The following SLC38A1 variants were observed in gnomAD, a reference collection of about 807,000 sequenced individuals.
The protein encoded by SLC38A1 is solute carrier family 38 member 1, also known as sodium-coupled neutral amino acid symporter 1.
Under a neutral mutation model 60.3 loss-of-function variants are expected in SLC38A1, and 18 were observed. The ratio of observed to expected loss-of-function variants is 0.30; its 90% CI spans 0.21 to 0.44. The LOEUF (loss-of-function observed/expected upper bound fraction) is 0.44. SLC38A1 is among the 20% of genes least tolerant of loss of function. The pLI is 1.00. For synonymous variants in SLC38A1, 196 were observed against 212.1 expected (o/e 0.92, Z 0.66); for missense variants, 448 against 587.2 (o/e 0.76, Z 2.45).
rs1297574331 is a variant in SLC38A1, at chr12:46,229,137, G to T, written c.314+16C>A. The T allele has an allele frequency of 2.0e-6, 3 of 1,466,232 alleles. No individual in the cohort carries two copies. Among genetic ancestry groups the T allele is most frequent in the South Asian group, 2.3e-5 (2 of 85,620 alleles). The allele number at this position is 1,466,232 out of a possible 1,614,324, so 90.8% of individuals were successfully genotyped here. A position where few individuals can be genotyped will look rare whatever the true frequency, so the allele number is the denominator to read the frequency against. On this transcript the variant is annotated intron_variant, in intron 5 of 16. Transcript: ENST00000398637. ...TTCAGTTTTAAAATGGAAAGTACCG[G>T]CACGTCAATACTCACAGAAAAAGTA...
chr12:46,195,718 A>G (rs576627436), intron 16 of SLC38A1: 27 of 190,716 alleles, frequency 1.4e-4, no homozygotes, highest in South Asian at 1.1e-3. Context: ...CTGTTGCGCT[A>G]GCAGTGAGCA....
chr12:46,193,839 G>T (rs112247400), intron 16 of SLC38A1, among the ~76,000 whole-genome samples: 346 of 152,200 alleles, frequency 2.3e-3, no homozygotes, highest in African/African-American at 8.0e-3. Flanking sequence ...TTGCAAATGA[G>T]ATGGGTCTCC....
intron 5 of SLC38A1, among the ~76,000 whole-genome samples, chr12:46,217,279 G>A (rs1940455302): frequency 6.6e-6 from 1 of 152,142 alleles, no homozygotes. Context: ...TGACTCCAAA[G>A]TCCCTACCCA....
intron 11 of SLC38A1, among the ~76,000 whole-genome samples, chr12:46,203,302 T>C (rs1939744818): frequency 6.6e-6 from 1 of 152,186 alleles, no homozygotes; most frequent in South Asian, 2.1e-4. Flanking sequence ...CAGAGGGACT[T>C]CGGATTTGGC....
rs1379504636 is a variant in SLC38A1, at chr12:46,185,581, A to G, written c.*3389T>C. Reference sequence around the variant, plus strand: ...ATTAAAAGTGCTGCGCGCTGGCCTCAATGACTGGTACATTGGAGAAGCTAT... The same window carrying G: ...ATTAAAAGTGCTGCGCGCTGGCCTCGATGACTGGTACATTGGAGAAGCTAT... On this transcript the variant is annotated 3_prime_UTR_variant, in exon 17 of 17. Coordinates refer to ENST00000398637, the MANE Select transcript of SLC38A1 (RefSeq NM_030674.4). The G allele has an allele frequency of 6.6e-6, 1 of 152,000 alleles. No individual in the cohort carries two copies. The highest frequency in any genetic ancestry group is 2.4e-5 in the African/African-American group (1 of 41,354). 9.4% of individuals were successfully genotyped at this position (152,000 alleles called of 1,614,324 possible).
chr12:46,209,270 T>C (rs909103532), intron 5 of SLC38A1, 143 bp from the exon 6 acceptor site: 2 of 531,934 alleles, frequency 3.8e-6, no homozygotes, highest in African/African-American at 2.0e-5. Flanking sequence ...TAGTCATCCC[T>C]GCTTTAAAAT....
chr12:46,203,126 C>T (rs761144404), intron 11 of SLC38A1, 37 bp from the exon 12 acceptor site: 1 of 1,544,312 alleles, frequency 6.5e-7, no homozygotes, highest in Non-Finnish European at 8.9e-7. Flanking sequence ...AGGAAAAACA[C>T]TTTTACCATA....
chr12:46,191,267 C>G (rs551715552), intron 16 of SLC38A1, among the ~76,000 whole-genome samples: 3 of 152,068 alleles, frequency 2.0e-5, no homozygotes, highest in Non-Finnish European at 4.4e-5. Flanking sequence ...AATTCTGAGG[C>G]CTCTGTTCTG....
chr12:46,222,476 T>C (rs1940697500), intron 5 of SLC38A1, among the ~76,000 whole-genome samples: 1 of 152,212 alleles, frequency 6.6e-6, no homozygotes, highest in Non-Finnish European at 1.5e-5. Context: ...AGTACTATGC[T>C]ACACAGTATT....
intron 1 of SLC38A1, among the ~76,000 whole-genome samples, chr12:46,257,625 G>C (rs1942074145): frequency 6.6e-6 from 1 of 152,080 alleles, no homozygotes; most frequent in African/African-American, 2.4e-5. Context: ...CTTACTCAAA[G>C]TTAGCTTTTG....
rs144261571 is a variant in SLC38A1 at position 46,215,600 on chromosome 12, G to A, written c.315-6473C>T. On this transcript the variant is annotated intron_variant, in intron 5 of 16. Coordinates refer to ENST00000398637, the MANE Select transcript of SLC38A1 (RefSeq NM_030674.4). ...TTTTTGTATTTTTTAGTAGAGACGG[G>A]TTTCACCATATTGGCCAGGCTGATC... 2.6e-3 allele frequency among the ~76,000 whole-genome samples: 388 copies of A among 152,148 alleles called. 1 individual carries two copies. The highest frequency in any genetic ancestry group is 8.9e-3 in the African/African-American group (370 of 41,500).
At chr12:46,243,941 A>C (rs1592137943) in intron 1 of SLC38A1, among the ~76,000 whole-genome samples, 2 of 152,214 alleles carry the variant, frequency 1.3e-5, no homozygotes, top group Non-Finnish European at 1.5e-5. Context: ...TTTATACTGC[A>C]TGGCGTTATA....
chr12:46,192,359 A>T lies in SLC38A1; in HGVS notation c.1363-3288T>A, dbSNP rs140143316. Among the ~76,000 whole-genome samples, 963 of 152,288 alleles carry T rather than the reference A, an allele frequency of 6.3e-3. 6 individuals carry two copies. The highest frequency in any genetic ancestry group is 0.022 in the African/African-American group (905 of 41,532). ...CCAGTATTTTACTGAGGATTTTCAAATCAATGTTCCTCAGGGATATTGGCC... is the reference window on the plus strand; with the variant it reads ...CCAGTATTTTACTGAGGATTTTCAATTCAATGTTCCTCAGGGATATTGGCC... On this transcript the variant is annotated intron_variant, in intron 16 of 16. Coordinates refer to ENST00000398637, the MANE Select transcript of SLC38A1 (RefSeq NM_030674.4).
intron 3 of SLC38A1, chr12:46,239,215 A>C (rs1941358617): frequency 6.5e-6 from 1 of 152,916 alleles, no homozygotes; most frequent in Non-Finnish European, 1.5e-5. Flanking sequence ...AACAGATGTC[A>C]CATAAGAAAT....
chr12:46,217,937 G>T (rs1055937188), intron 5 of SLC38A1, among the ~76,000 whole-genome samples: 2 of 152,186 alleles, frequency 1.3e-5, no homozygotes, highest in African/African-American at 4.8e-5. Flanking sequence ...CTCACTGTCA[G>T]TTAGGTATTT....
At chr12:46,191,094 T>G (rs113295214) in intron 16 of SLC38A1, among the ~76,000 whole-genome samples, 334 of 152,344 alleles carry the variant, frequency 2.2e-3, no homozygotes, top group African/African-American at 7.7e-3. Flanking sequence ...TAACCCATCT[T>G]GAGTTAATTT....
chr12:46,255,419 T>C (rs529597586), intron 1 of SLC38A1, among the ~76,000 whole-genome samples: 5 of 152,264 alleles, frequency 3.3e-5, no homozygotes, highest in Admixed American at 6.5e-5. Context: ...CCTTTAGTTT[T>C]AGCCAATGTC....
At chr12:46,251,840 A>G (rs1036889116) in intron 1 of SLC38A1, among the ~76,000 whole-genome samples, 1 of 152,136 alleles carries the variant, frequency 6.6e-6, no homozygotes, top group Non-Finnish European at 1.5e-5. Flanking sequence ...AGGAAACAAC[A>G]GAGGCTGGAG....
chr12:46,256,115 G>A (rs140845885), intron 1 of SLC38A1, among the ~76,000 whole-genome samples: 3 of 146,888 alleles, frequency 2.0e-5, no homozygotes, highest in Non-Finnish European at 4.4e-5. Context: ...ACAGTGAATC[G>A]AGATCACGCC....
Sources: gnomAD v4.1 joint callset for allele counts (sites outside exome capture counted in the v4.1 genomes callset) on GRCh38, gnomAD v4.1.1 for gene constraint, MANE v1.5 for transcripts, NCBI Gene and HGNC (gene_info 2026-07-23, HGNC 2026-07-21) for gene names.